NUGGC: variants seen among roughly 807,000 people sequenced by gnomAD.
NUGGC encodes nuclear GTPase SLIP-GC.
Under a neutral mutation model 92.6 loss-of-function variants are expected in NUGGC, and 58 were observed. The observed-to-expected ratio is 0.63, with a 90% CI of 0.51 to 0.78. The LOEUF (loss-of-function observed/expected upper bound fraction) is 0.78. NUGGC is among the 30% of genes least tolerant of loss of function. The pLI is 0.00. For missense variants in NUGGC, 925 were observed against 964.6 expected (o/e 0.96, Z 0.54); for synonymous variants, 376 against 366.4 (o/e 1.03, Z -0.30).
intron 2 of NUGGC, 94 bp from the exon 3 acceptor site, chr8:28,070,450 A>G: frequency 3.0e-6 from 2 of 669,222 alleles, no homozygotes; most frequent in South Asian, 3.8e-5. Context: ...AGGGTCTAAC[A>G]GACTGGCTGG....
chr8:28,083,213 A>G (rs1418837767), intron 1 of NUGGC, among the ~76,000 whole-genome samples: 1 of 152,218 alleles, frequency 6.6e-6, no homozygotes, highest in Non-Finnish European at 1.5e-5. Context: ...CAGGTGGTCA[A>G]GGTCAACACC....
In NUGGC at chr8:28,082,213, C is replaced by T. The variant is rs900059023; in HGVS notation, c.-47+1562G>A. ...AGGTATGTTTTCAGCATTAACACAT[C>T]GGCTAATGTGTTCAGAATTAGAAAT... On this transcript the variant is annotated intron_variant, in intron 1 of 18. Coordinates refer to ENST00000413272, the MANE Select transcript of NUGGC (RefSeq NM_001010906.2). 5.3e-5 allele frequency among the ~76,000 whole-genome samples: 8 copies of T among 152,290 alleles called. No homozygotes were observed. The South Asian group carries it at 1.0e-3, about 20-fold the overall frequency.
intron 1 of NUGGC, among the ~76,000 whole-genome samples, chr8:28,082,174 C>A (rs1302917426): frequency 5.9e-5 from 9 of 152,168 alleles, no homozygotes; most frequent in Non-Finnish European, 1.0e-4. Context: ...GCCTCCAAAT[C>A]TCTAAAGGAA....
rs568874021 is a variant in NUGGC, at chr8:28,032,550, T to C, written c.1769+990A>G. On this transcript the variant is annotated intron_variant, in intron 14 of 18. Transcript: ENST00000413272. ...GGCTAACATGGTGAAACCCCATCTC[T>C]ACTAAAAAATACAAAAAATTAGCCA... 1.8e-4 allele frequency among the ~76,000 whole-genome samples: 27 copies of C among 151,676 alleles called. No individual in the cohort carries two copies. In the East Asian group the frequency reaches 4.9e-3, roughly 28 times the overall value.
At chr8:28,062,672 G>A (rs940092787) in intron 7 of NUGGC, among the ~76,000 whole-genome samples, 9 of 152,180 alleles carry the variant, frequency 5.9e-5, no homozygotes, top group Non-Finnish European at 7.3e-5. Flanking sequence ...TCAACAGTGG[G>A]CAGAGAATGG....
In NUGGC at chr8:28,041,073, C is replaced by G. The variant is rs376736321; in HGVS notation, c.1589G>C (p.Cys530Ser). 4 of 1,605,482 alleles carry G rather than the reference C, an allele frequency of 2.5e-6. No homozygotes were observed. In the African/African-American group the frequency reaches 5.3e-5, roughly 21 times the overall value. ...GVRTARTSYR[C>S]ILRACLVRSK... The stretch of plus-strand genomic sequence containing the variant: ...CACCACCAAGCATGCTCTGAGGATG[C>G]AGCGGTAAGAAGTCCTGGCGGTCCT... The change falls in exon 13 of 19, where the codon TGC (cysteine) becomes TCC (serine). Residue 530 changes from cysteine (C) to serine (S), a missense_variant. By Grantham distance (112) the Cys-to-Ser change is moderately radical. Transcript: ENST00000413272.
intron 15 of NUGGC, 32 bp downstream of exon 15, chr8:28,031,211 T>C (rs1809409300): frequency 1.2e-6 from 2 of 1,613,384 alleles, no homozygotes; most frequent in Non-Finnish European, 1.7e-6. Context: ...ATGCCCAACC[T>C]CACTGCTCTC....
At chr8:28,041,761 G>A (rs1207603791) in intron 12 of NUGGC, among the ~76,000 whole-genome samples, 4 of 152,172 alleles carry the variant, frequency 2.6e-5, no homozygotes, top group Non-Finnish European at 4.4e-5. Context: ...ACTTTGCATA[G>A]CAAAGCTACA....
At position 28,037,136 on chromosome 8, in the gene NUGGC, C is replaced by T. The variant is rs575570172; in HGVS notation, c.1612-3439G>A. ...CTACCCGCCACTCGCTCACCAACTCCCCTCAGACCTCAGTTAGACCCTGAC... is the reference window on the plus strand; with the variant it reads ...CTACCCGCCACTCGCTCACCAACTCTCCTCAGACCTCAGTTAGACCCTGAC... On this transcript the variant is annotated intron_variant, in intron 13 of 18. Coordinates refer to ENST00000413272, the MANE Select transcript of NUGGC (RefSeq NM_001010906.2). Among the ~76,000 whole-genome samples the T allele has an allele frequency of 2.6e-5, 4 of 152,338 alleles. No homozygotes were observed. In the South Asian group the frequency reaches 8.3e-4, roughly 32 times the overall value.
intron 5 of NUGGC, 117 bp from the exon 6 acceptor site, chr8:28,067,861 G>A (rs1383448400): frequency 2.6e-6 from 2 of 772,308 alleles, no homozygotes; most frequent in South Asian, 1.8e-5. Context: ...AGAAAATCTA[G>A]GTCATCTATC....
intron 18 of NUGGC, 129 bp downstream of exon 18, chr8:28,026,833 T>C: frequency 1.5e-6 from 1 of 679,284 alleles, no homozygotes; most frequent in Non-Finnish European, 2.7e-6. Flanking sequence ...CTTGCCCTGC[T>C]AATTCTTCCT....
intron 6 of NUGGC, among the ~76,000 whole-genome samples, chr8:28,066,268 C>G (rs1455192352): frequency 1.3e-5 from 2 of 152,164 alleles, no homozygotes; most frequent in African/African-American, 2.4e-5. Context: ...TAATATTCGT[C>G]TTAAAACTGT....
chr8:28,025,619 T>C (rs1809239080), intron 18 of NUGGC, among the ~76,000 whole-genome samples: 1 of 114,788 alleles, frequency 8.7e-6, no homozygotes, highest in Admixed American at 9.5e-5. Context: ...GAGGGTGTTG[T>C]ATCTCCTTCC....
chr8:28,070,887 G>A (rs1810575362), intron 2 of NUGGC, among the ~76,000 whole-genome samples: 1 of 151,644 alleles, frequency 6.6e-6, no homozygotes, highest in Admixed American at 6.6e-5. Flanking sequence ...AGCTACTCAG[G>A]AGGCTGAAGT....
intron 9 of NUGGC, among the ~76,000 whole-genome samples, chr8:28,057,692 A>G (rs1427967579): frequency 6.6e-6 from 1 of 152,202 alleles, no homozygotes; most frequent in African/African-American, 2.4e-5. Context: ...TTAAGAATAC[A>G]GAACATAATA....
chr8:28,049,221 C>A (rs568466422), intron 10 of NUGGC, among the ~76,000 whole-genome samples: 1 of 152,244 alleles, frequency 6.6e-6, no homozygotes, highest in South Asian at 2.1e-4. Flanking sequence ...GATATCTGTG[C>A]AGACTGCCAG....
At chr8:28,063,692 G>C (rs1810365577) in intron 7 of NUGGC, among the ~76,000 whole-genome samples, 1 of 152,212 alleles carries the variant, frequency 6.6e-6, no homozygotes, top group Non-Finnish European at 1.5e-5. Flanking sequence ...AATCAGGGCA[G>C]AGGCTAGAGC....
At chr8:28,036,085 G>A (rs1442639627) in intron 13 of NUGGC, among the ~76,000 whole-genome samples, 1 of 151,910 alleles carries the variant, frequency 6.6e-6, no homozygotes, top group African/African-American at 2.4e-5. Context: ...ATGTTGCCTG[G>A]TTGGTCTTGA....
At chr8:28,077,488 AC>A (rs1243620341) in intron 1 of NUGGC, among the ~76,000 whole-genome samples, 1 of 151,676 alleles carries the variant, frequency 6.6e-6, no homozygotes, top group Non-Finnish European at 1.5e-5. Flanking sequence ...GATCCCTTGA[AC>A]CCTGGAGTTC....
Sources: allele counts gnomAD v4.1 joint callset (sites outside exome capture counted in the v4.1 genomes callset), GRCh38; gene constraint gnomAD v4.1.1; transcripts MANE v1.5; gene names NCBI Gene and HGNC (gene_info 2026-07-23, HGNC 2026-07-21).